The following SH3KBP1 variants were observed in gnomAD, a reference collection of about 807,000 sequenced individuals.
SH3KBP1 encodes SH3 domain-containing kinase-binding protein 1.
SH3KBP1 carries 8 observed loss-of-function variants against 50.1 expected under a neutral mutation model. That is an observed-to-expected ratio of 0.16 (90% CI 0.09 to 0.29). The LOEUF is 0.29. Among genes scored for constraint, SH3KBP1 ranks in the 10% least tolerant of loss-of-function variants. The pLI, the probability that SH3KBP1 is intolerant of heterozygous loss-of-function variation, is 1.00. For synonymous variants in SH3KBP1, 227 were observed against 218.6 expected, an observed-to-expected ratio of 1.04 and a Z score of -0.34; for missense variants, 377 against 535.2, an observed-to-expected ratio of 0.70 and a Z score of 2.92.
At chrX:19,755,368 C>T (rs751615726) in intron 2 of SH3KBP1, among the ~76,000 whole-genome samples, 10 of 110,960 alleles carry the variant, frequency 9.0e-5, no homozygotes, top group Non-Finnish European at 1.7e-4. Flanking sequence ...GACTCTGTCT[C>T]AAAATAAATA....
At chrX:19,694,453 A>G (rs1321334133) in intron 5 of SH3KBP1, among the ~76,000 whole-genome samples, 2 of 110,801 alleles carry the variant, frequency 1.8e-5, no homozygotes, top group Admixed American at 9.6e-5. Context: ...CAGGAGCTCC[A>G]AGACACCTCG....
chrX:19,581,028 T>C (rs2066354882), intron 12 of SH3KBP1, among the ~76,000 whole-genome samples: 3 of 111,550 alleles, frequency 2.7e-5, no homozygotes, highest in Admixed American at 1.9e-4. Flanking sequence ...CATTGCTCAC[T>C]ATGGCCTTGA....
chrX:19,797,093 T>C (rs1405889443), intron 2 of SH3KBP1, among the ~76,000 whole-genome samples: 1 of 112,581 alleles, frequency 8.9e-6, no homozygotes, highest in Non-Finnish European at 1.9e-5. Flanking sequence ...GCCCCTGCCC[T>C]CATGGAGCTA....
intron 2 of SH3KBP1, among the ~76,000 whole-genome samples, chrX:19,761,393 G>A (rs754786217): frequency 9.8e-6 from 1 of 102,160 alleles, no homozygotes; most frequent in South Asian, 4.9e-4. Context: ...GAGAGGGAGA[G>A]AGGGAGATGG....
intron 9 of SH3KBP1, among the ~76,000 whole-genome samples, chrX:19,605,450 G>A (rs1367570282): frequency 8.9e-6 from 1 of 111,946 alleles, no homozygotes; most frequent in Non-Finnish European, 1.9e-5. Context: ...AAGATGGTAT[G>A]CTTGCTAAGA....
chrX:19,612,852 T>G (rs1421631221), intron 8 of SH3KBP1, among the ~76,000 whole-genome samples: 2 of 111,796 alleles, frequency 1.8e-5, no homozygotes, highest in Non-Finnish European at 3.8e-5. Flanking sequence ...CTGGGCAGCC[T>G]GGAAGCAGAG....
intron 3 of SH3KBP1, among the ~76,000 whole-genome samples, chrX:19,713,824 A>G (rs192688494): frequency 1.8e-5 from 2 of 111,913 alleles, no homozygotes; most frequent in East Asian, 5.6e-4. Context: ...ATCTAACTGT[A>G]TGTTTGTATC....
At position 19,798,780 on chromosome X, in the gene SH3KBP1, C is replaced by T. The variant is rs754743106; in HGVS notation, c.162+37345G>A. On this transcript the variant is annotated intron_variant, in intron 2 of 17. Coordinates refer to ENST00000397821, the MANE Select transcript of SH3KBP1 (RefSeq NM_031892.3). ...GCCAGGACAGCAACACTGGTGGCAT[C>T]TCACAGAGCCCAGCACACTGCTTGC... Among the ~76,000 whole-genome samples the T allele has an allele frequency of 1.2e-3, 131 of 112,351 alleles. 1 individual carries two copies. The highest frequency in any genetic ancestry group is 4.6e-3 in the Middle Eastern group (1 of 218).
chrX:19,592,491 T>G (rs2066779082), intron 10 of SH3KBP1, among the ~76,000 whole-genome samples: 2 of 111,358 alleles, frequency 1.8e-5, no homozygotes, highest in Non-Finnish European at 3.8e-5. Flanking sequence ...TTATCAAACT[T>G]TACAAATAAG....
At chrX:19,680,151 G>A (rs1419247208) in intron 6 of SH3KBP1, among the ~76,000 whole-genome samples, 1 of 110,865 alleles carries the variant, frequency 9.0e-6, no homozygotes, top group Non-Finnish European at 1.9e-5. Context: ...AAGGTGGGCG[G>A]ATCACTTGAG....
intron 2 of SH3KBP1, among the ~76,000 whole-genome samples, chrX:19,766,465 T>G (rs1387018406): frequency 1.3e-4 from 14 of 105,608 alleles, no homozygotes; most frequent in African/African-American, 4.6e-4. Flanking sequence ...GATTGCACTT[T>G]GAGTCTGTTG....
intron 9 of SH3KBP1, among the ~76,000 whole-genome samples, chrX:19,606,325 C>T (rs1391094518): frequency 3.6e-5 from 4 of 112,172 alleles, no homozygotes; most frequent in Non-Finnish European, 7.5e-5. Flanking sequence ...CTATCTGATG[C>T]CACAGCCTAG....
intron 4 of SH3KBP1, among the ~76,000 whole-genome samples, chrX:19,702,438 C>G (rs2063553053): frequency 9.0e-6 from 1 of 111,590 alleles, no homozygotes; most frequent in South Asian, 3.8e-4. Context: ...TTGCAAGCCA[C>G]AAAACCAGGT....
intron 3 of SH3KBP1, among the ~76,000 whole-genome samples, chrX:19,739,717 A>G (rs2064711688): frequency 9.0e-6 from 1 of 111,175 alleles, no homozygotes; most frequent in Non-Finnish European, 1.9e-5. Context: ...AAGTAATGTG[A>G]GAAGCCGTGG....
At chrX:19,742,771 C>T (rs1313782374) in intron 3 of SH3KBP1, among the ~76,000 whole-genome samples, 1 of 111,952 alleles carries the variant, frequency 8.9e-6, no homozygotes, top group Non-Finnish European at 1.9e-5. Flanking sequence ...ACATACAACT[C>T]TTTTCTGTCT....
chrX:19,637,718 A>T (rs1364210689), intron 7 of SH3KBP1, among the ~76,000 whole-genome samples: 1 of 111,237 alleles, frequency 9.0e-6, no homozygotes, highest in East Asian at 2.8e-4. Flanking sequence ...TTCAGATCTG[A>T]GGTGGGACCG....
At chrX:19,760,026 CTCTCTCTCTCTCTCCCTCTCTCT>C (rs2065341170) in intron 2 of SH3KBP1, among the ~76,000 whole-genome samples, 1 of 67,526 alleles carries the variant, frequency 1.5e-5, no homozygotes, top group Non-Finnish European at 2.7e-5. Context: ...TCTCTCTCCT[CTCTCTCTCTCTCTCCCTCTCTCT>C]CTCTCTCTCT....
chrX:19,805,647 G>A (rs909076384), intron 2 of SH3KBP1, among the ~76,000 whole-genome samples: 1 of 109,943 alleles, frequency 9.1e-6, no homozygotes, highest in Non-Finnish European at 1.9e-5. Flanking sequence ...CTGGTTTGAG[G>A]TTTGTGAACA....
At chrX:19,583,404 C>T (rs920850579) in intron 12 of SH3KBP1, among the ~76,000 whole-genome samples, 1 of 110,964 alleles carries the variant, frequency 9.0e-6, no homozygotes, top group East Asian at 2.8e-4. Flanking sequence ...ATCCACTTGC[C>T]TAGGCCTCCC....
Sources: gnomAD v4.1 joint callset for allele counts (sites outside exome capture counted in the v4.1 genomes callset) on GRCh38, gnomAD v4.1.1 for gene constraint, MANE v1.5 for transcripts, NCBI Gene and HGNC (gene_info 2026-07-23, HGNC 2026-07-21) for gene names.